Variants in PICALM observed in about 807,000 individuals in gnomAD.
The protein encoded by PICALM is phosphatidylinositol-binding clathrin assembly protein.
Under a neutral mutation model 80.5 loss-of-function variants are expected in PICALM, and 40 were observed. That is an observed-to-expected ratio of 0.50 (90% CI 0.39 to 0.65). The LOEUF is 0.65. PICALM is among the 30% of genes least tolerant of loss of function. The pLI is 0.00. For missense variants in PICALM, 676 were observed against 778.9 expected (o/e 0.87, Z 1.57); for synonymous variants, 288 against 260.3 (o/e 1.11, Z -1.02).
chr11:86,007,853 T>C (rs998771598), intron 7 of PICALM, among the ~76,000 whole-genome samples: 7 of 151,964 alleles, frequency 4.6e-5, no homozygotes, highest in African/African-American at 1.7e-4. Flanking sequence ...GTATGTAAGC[T>C]ACCTTGTCAC....
chr11:85,974,497 T>C (rs1316998143), intron 19 of PICALM: 2 of 674,044 alleles, frequency 3.0e-6, no homozygotes, highest in South Asian at 2.7e-5. Flanking sequence ...AAGAATTTTC[T>C]GTCTTTAGTA....
intron 19 of PICALM, among the ~76,000 whole-genome samples, chr11:85,969,017 T>C (rs2094008872): frequency 6.6e-6 from 1 of 150,888 alleles, no homozygotes; most frequent in Non-Finnish European, 1.5e-5. Flanking sequence ...GGTATGTGTA[T>C]AGGAATTCAT....
At chr11:85,982,078 GC>G (rs769037039) in intron 14 of PICALM, 75 bp from the exon 15 acceptor site, 3 of 1,326,852 alleles carry the variant, frequency 2.3e-6, no homozygotes, top group Non-Finnish European at 3.2e-6. Context: ...GGAGGTCTTT[GC>G]CTTTTCTCCT....
intron 13 of PICALM, among the ~76,000 whole-genome samples, chr11:85,987,109 T>G (rs1289334887): frequency 2.0e-5 from 3 of 152,238 alleles, no homozygotes. Context: ...AAATTAGGAC[T>G]CATACTTTTT....
At chr11:86,056,761 A>C (rs1465563687) in intron 1 of PICALM, among the ~76,000 whole-genome samples, 1 of 152,220 alleles carries the variant, frequency 6.6e-6, no homozygotes, top group East Asian at 1.9e-4. Flanking sequence ...CCAAATGGCT[A>C]AACAACCCAA....
chr11:86,037,769 T>G (rs2095869199), intron 1 of PICALM, among the ~76,000 whole-genome samples: 1 of 152,132 alleles, frequency 6.6e-6, no homozygotes, highest in Non-Finnish European at 1.5e-5. Flanking sequence ...AGGTGATGCA[T>G]ACACAATCGA....
At position 85,981,871 on chromosome 11, in the gene PICALM, C is replaced by T; in HGVS notation, c.1648+1G>A. On this transcript the variant is annotated splice_donor_variant, in intron 15 of 19. Transcript: ENST00000393346. LOFTEE classifies it high-confidence loss of function. ...GATTAACGTATCCAAAGACTACTTA[C>T]TGCCCACAAGGTTGGCTAAAGATGA... The T allele has an allele frequency of 6.2e-7, 1 of 1,613,476 alleles. No homozygotes were observed. Among genetic ancestry groups the T allele is most frequent in the East Asian group, 2.2e-5 (1 of 44,870 alleles).
chr11:86,023,435 G>A, intron 3 of PICALM: 1 of 984,532 alleles, frequency 1.0e-6, no homozygotes, highest in Non-Finnish European at 1.2e-6. Context: ...TACACGTCAG[G>A]TGTTACATGC....
chr11:86,031,195 C>G (rs543595347), intron 2 of PICALM, among the ~76,000 whole-genome samples: 1 of 152,092 alleles, frequency 6.6e-6, no homozygotes, highest in African/African-American at 2.4e-5. Flanking sequence ...AGTCTATAAA[C>G]AGGACCAGCA....
intron 1 of PICALM, among the ~76,000 whole-genome samples, chr11:86,046,703 T>G (rs772111323): frequency 2.6e-5 from 4 of 152,238 alleles, no homozygotes; most frequent in Non-Finnish European, 5.9e-5. Flanking sequence ...ATCTTTATAA[T>G]GCACATATGA....
At chr11:86,032,268 A>T (rs2095764863) in intron 1 of PICALM, among the ~76,000 whole-genome samples, 1 of 152,188 alleles carries the variant, frequency 6.6e-6, no homozygotes, top group South Asian at 2.1e-4. Flanking sequence ...TTCTCAATAA[A>T]ACTTAAGAAG....
chr11:86,034,947 T>C (rs531426117), intron 1 of PICALM, among the ~76,000 whole-genome samples: 69 of 152,294 alleles, frequency 4.5e-4, no homozygotes, highest in Admixed American at 2.8e-3. Flanking sequence ...AGGAGCTAAG[T>C]GACAGATTAA....
intron 5 of PICALM, 108 bp downstream of exon 5, chr11:86,014,762 A>G (rs2095453369): frequency 1.7e-6 from 1 of 588,960 alleles, no homozygotes; most frequent in South Asian, 2.3e-5. Flanking sequence ...GCCATATAGG[A>G]TATCAGGATG....
rs573843685 is a variant in PICALM, at chr11:86,056,904, A to C, written c.130+11747T>G. ...CCTTTAAAACATTATAACTGAAAGA[A>C]GCCAGGCACAAAAGGCCACATATTG... On this transcript the variant is annotated intron_variant, in intron 1 of 19. Transcript: ENST00000393346. 9.8e-5 allele frequency among the ~76,000 whole-genome samples: 15 copies of C among 152,352 alleles called. 1 individual carries two copies. The South Asian group carries it at 2.7e-3, about 27-fold the overall frequency.
intron 1 of PICALM, among the ~76,000 whole-genome samples, chr11:86,062,513 C>T (rs1214903641): frequency 6.7e-5 from 10 of 149,870 alleles, no homozygotes; most frequent in African/African-American, 2.2e-4. Flanking sequence ...AGCGAAACTC[C>T]GTCTCAAAAA....
Position 85,997,042 on chromosome 11 carries a change from C to T in PICALM, c.1155-113G>A, listed in dbSNP as rs192000526. 140 of 586,008 alleles carry T rather than the reference C, an allele frequency of 2.4e-4. 1 individual carries two copies. The highest frequency in any genetic ancestry group is 1.6e-3 in the Middle Eastern group (6 of 3,862). The allele number at this position is 586,008 out of a possible 1,614,324, so 36.3% of individuals were successfully genotyped here. On this transcript the variant is annotated intron_variant, in intron 11 of 19. Transcript: ENST00000393346. ...CATTAAAAACAAGGGAGAAAAGTCTCATTAATATAAATCTCAAAAGAGGAA... is the reference window on the plus strand; with the variant it reads ...CATTAAAAACAAGGGAGAAAAGTCTTATTAATATAAATCTCAAAAGAGGAA...
chr11:86,051,991 A>G (rs867469100), intron 1 of PICALM, among the ~76,000 whole-genome samples: 1 of 152,258 alleles, frequency 6.6e-6, no homozygotes, highest in Admixed American at 6.5e-5. Context: ...AGACATAGAA[A>G]GGTTTCCTTA....
rs977058427 is a variant in PICALM at position 85,957,775 on chromosome 11, T to A, written c.*1271A>T. On this transcript the variant is annotated 3_prime_UTR_variant, in exon 20 of 20. Coordinates refer to ENST00000393346, the MANE Select transcript of PICALM (RefSeq NM_007166.4). ...ACAAAAATAGAATCTGCAGAGACAATGCAACAAGAATGCTTAAACTCATGT... is the reference window on the plus strand; with the variant it reads ...ACAAAAATAGAATCTGCAGAGACAAAGCAACAAGAATGCTTAAACTCATGT... 1 of 217,302 alleles carries A rather than the reference T, an allele frequency of 4.6e-6. No individual in the cohort carries two copies. Among genetic ancestry groups the A allele is most frequent in the Non-Finnish European group, 9.3e-6 (1 of 107,774 alleles). 13.5% of individuals were successfully genotyped at this position (217,302 alleles called of 1,614,324 possible).
chr11:85,961,407 T>C (rs558714375), intron 19 of PICALM, among the ~76,000 whole-genome samples: 61 of 152,340 alleles, frequency 4.0e-4, no homozygotes, highest in African/African-American at 1.4e-3. Flanking sequence ...GCCCTGAATA[T>C]GGGGAATACT....
Sources: allele counts gnomAD v4.1 joint callset (sites outside exome capture counted in the v4.1 genomes callset), GRCh38; gene constraint gnomAD v4.1.1; transcripts MANE v1.5; gene names NCBI Gene and HGNC (gene_info 2026-07-23, HGNC 2026-07-21).